The following NOL4 variants were observed in gnomAD, a reference collection of about 807,000 sequenced individuals.
The protein encoded by NOL4 is cancer/testis antigen 125.
In NOL4, 17 loss-of-function variants were observed where a neutral mutation model predicts 75.9. That is an observed-to-expected ratio of 0.22 (90% CI 0.15 to 0.34). NOL4 has a LOEUF of 0.34. Among genes scored for constraint, NOL4 ranks in the 10% least tolerant of loss-of-function variants. NOL4 has a pLI of 1.00. For missense variants in NOL4, 614 were observed against 793.5 expected (o/e 0.77, Z 2.72); for synonymous variants, 292 against 289.9 (o/e 1.01, Z -0.07).
chr18:34,099,786 C>T (rs2078960335), intron 4 of NOL4, among the ~76,000 whole-genome samples: 1 of 152,094 alleles, frequency 6.6e-6, no homozygotes, highest in Admixed American at 6.6e-5. Flanking sequence ...TCATTTTAAT[C>T]ATACCCTTAT....
At chr18:34,220,081 G>A (rs2037192006) in intron 1 of NOL4, among the ~76,000 whole-genome samples, 1 of 152,190 alleles carries the variant, frequency 6.6e-6, no homozygotes, top group African/African-American at 2.4e-5. Context: ...AGGGGGAAGA[G>A]TAGTTGGAAA....
At chr18:34,060,228 G>C (rs2077015988) in intron 5 of NOL4, among the ~76,000 whole-genome samples, 1 of 152,118 alleles carries the variant, frequency 6.6e-6, no homozygotes, top group Non-Finnish European at 1.5e-5. Context: ...ACAGTCCCTG[G>C]AACAGCACTT....
intron 8 of NOL4, among the ~76,000 whole-genome samples, chr18:33,947,344 G>A (rs1250578289): frequency 6.6e-6 from 1 of 151,656 alleles, no homozygotes; most frequent in Non-Finnish European, 1.5e-5. Flanking sequence ...TTAGCAGAGT[G>A]TGTTAGGGAA....
chr18:33,866,326 A>G (rs77022350), intron 10 of NOL4, among the ~76,000 whole-genome samples: 3,473 of 152,212 alleles, frequency 0.023, 139 homozygotes, highest in African/African-American at 0.079. Context: ...ACATTTTAAA[A>G]TCTTCTTTTC....
At chr18:33,904,097 T>C (rs2065895685) in intron 9 of NOL4, among the ~76,000 whole-genome samples, 1 of 152,136 alleles carries the variant, frequency 6.6e-6, no homozygotes, top group Admixed American at 6.6e-5. Flanking sequence ...GCTCTTATGT[T>C]ACTTGAAAAA....
intron 10 of NOL4, among the ~76,000 whole-genome samples, chr18:33,860,177 T>C (rs1399929887): frequency 6.6e-6 from 1 of 152,044 alleles, no homozygotes; most frequent in Non-Finnish European, 1.5e-5. Flanking sequence ...ACCACCCCCA[T>C]GGTCCAATAA....
chr18:33,978,961 T>C (rs2071725331), intron 6 of NOL4, among the ~76,000 whole-genome samples: 2 of 152,030 alleles, frequency 1.3e-5, no homozygotes, highest in African/African-American at 4.8e-5. Flanking sequence ...TCCTGGTGTA[T>C]AATTGTTTGG....
chr18:34,031,388 T>A (rs916027190), intron 5 of NOL4, among the ~76,000 whole-genome samples: 1 of 152,174 alleles, frequency 6.6e-6, no homozygotes, highest in African/African-American at 2.4e-5. Flanking sequence ...ACATGTAAAA[T>A]CCAAGCCCAT....
intron 2 of NOL4, 114 bp from the exon 3 acceptor site, chr18:34,105,274 A>T (rs2079218180): frequency 1.4e-6 from 1 of 696,110 alleles, no homozygotes; most frequent in Admixed American, 2.2e-5. Flanking sequence ...GGCAGGAAGC[A>T]CAATGAAAGC....
rs1312727481 is a variant in NOL4 at position 33,852,641 on chromosome 18, A to T, written c.*201T>A. 1.4e-5 allele frequency: 7 copies of T among 517,782 alleles called. No individual in the cohort carries two copies. Among genetic ancestry groups the T allele is most frequent in the Non-Finnish European group, 1.4e-5 (4 of 292,868 alleles). 32.1% of individuals were successfully genotyped at this position (517,782 alleles called of 1,614,324 possible). A position where few individuals can be genotyped will look rare whatever the true frequency, so the allele number is the denominator to read the frequency against. The stretch of plus-strand genomic sequence containing the variant: ...AAAAGCAATAGGCTGGACATACTAA[A>T]GTAGCTCAAGTACTTCAGAGGTCAG... On this transcript the variant is annotated 3_prime_UTR_variant, in exon 11 of 11. Coordinates refer to ENST00000261592, the MANE Select transcript of NOL4 (RefSeq NM_003787.5).
intron 1 of NOL4, among the ~76,000 whole-genome samples, chr18:34,186,968 C>T (rs910590748): frequency 6.6e-6 from 1 of 152,116 alleles, no homozygotes; most frequent in Non-Finnish European, 1.5e-5. Flanking sequence ...ATATAGCCTC[C>T]CCTGCTATCA....
At chr18:33,905,904 G>C (rs149606509) in intron 9 of NOL4, among the ~76,000 whole-genome samples, 12 of 152,298 alleles carry the variant, frequency 7.9e-5, no homozygotes, top group African/African-American at 2.9e-4. Flanking sequence ...CCAGATGGGA[G>C]ACAACATCCC....
At chr18:34,176,302 A>G (rs193187229) in intron 1 of NOL4, among the ~76,000 whole-genome samples, 1 of 152,236 alleles carries the variant, frequency 6.6e-6, no homozygotes, top group Non-Finnish European at 1.5e-5. Context: ...CAAGAATAAC[A>G]AAGAAAAGTG....
intron 6 of NOL4, among the ~76,000 whole-genome samples, chr18:33,982,999 C>T (rs990481492): frequency 1.3e-5 from 2 of 151,994 alleles, no homozygotes; most frequent in Admixed American, 1.3e-4. Context: ...ATCCACCTGC[C>T]TCTGTCTCCC....
chr18:34,154,569 A>C (rs78678853), intron 1 of NOL4, among the ~76,000 whole-genome samples: 5,206 of 152,096 alleles, frequency 0.034, 92 homozygotes, highest in Middle Eastern at 0.048. Flanking sequence ...TAAGTTATTT[A>C]ACAATTTTTT....
chr18:33,959,990 C>T (rs2069974301), intron 6 of NOL4, among the ~76,000 whole-genome samples: 1 of 151,664 alleles, frequency 6.6e-6, no homozygotes, highest in African/African-American at 2.4e-5. Flanking sequence ...ATTGAAAGAA[C>T]ATAAAATATG....
At chr18:33,882,374 C>T (rs1284179051) in intron 10 of NOL4, among the ~76,000 whole-genome samples, 1 of 152,112 alleles carries the variant, frequency 6.6e-6, no homozygotes, top group Non-Finnish European at 1.5e-5. Flanking sequence ...AAACAAACAA[C>T]CCCACCAAAA....
At chr18:33,963,005 C>T (rs929035950) in intron 6 of NOL4, among the ~76,000 whole-genome samples, 2 of 152,138 alleles carry the variant, frequency 1.3e-5, no homozygotes, top group African/African-American at 2.4e-5. Context: ...ATTTTTATAA[C>T]TGAATTCTGC....
At chr18:34,123,232 T>C (rs895751773) in intron 2 of NOL4, among the ~76,000 whole-genome samples, 2 of 151,762 alleles carry the variant, frequency 1.3e-5, no homozygotes, top group African/African-American at 4.8e-5. Context: ...AGATATATAA[T>C]TCAATTTTAA....
Sources: allele counts gnomAD v4.1 joint callset (sites outside exome capture counted in the v4.1 genomes callset), GRCh38; gene constraint gnomAD v4.1.1; transcripts MANE v1.5; gene names NCBI Gene and HGNC (gene_info 2026-07-23, HGNC 2026-07-21).